Variants in SPAG6 observed in about 807,000 individuals in gnomAD.
SPAG6 encodes sperm associated antigen 6, also known as sperm-associated antigen 6.
A neutral mutation model predicts 58.5 loss-of-function variants in SPAG6; 49 were observed. The observed-to-expected ratio is 0.84, with a 90% CI of 0.67 to 1.06. The LOEUF is 1.06. Ranked by LOEUF, SPAG6 falls within the 50% of genes least tolerant of loss-of-function variation. SPAG6 has a pLI of 0.00. For synonymous variants in SPAG6, 233 were observed against 225.6 expected (o/e 1.03, Z -0.29); for missense variants, 560 against 611.3 (o/e 0.92, Z 0.89).
chr10:22,370,835 A>G (rs987655854), intron 4 of SPAG6, among the ~76,000 whole-genome samples: 2 of 152,230 alleles, frequency 1.3e-5, no homozygotes, highest in African/African-American at 4.8e-5. Context: ...ATCATGGGAA[A>G]CTACATGAGT....
intron 4 of SPAG6, among the ~76,000 whole-genome samples, chr10:22,380,871 G>GT (rs1441886180): frequency 6.6e-6 from 1 of 151,894 alleles, no homozygotes. Flanking sequence ...TTCCAGAGGA[G>GT]TTTTTTTTAA....
intron 9 of SPAG6, among the ~76,000 whole-genome samples, chr10:22,410,642 TA>T (rs1157658693): frequency 2.0e-5 from 3 of 152,116 alleles, no homozygotes; most frequent in Non-Finnish European, 2.9e-5. Context: ...ACTGAAACAA[TA>T]TTTAGGATGG....
Position 22,345,549 on chromosome 10 carries a change from GGACT to G in SPAG6, c.-62_-59del. On this transcript the variant is annotated 5_prime_UTR_variant, in exon 1 of 11. Coordinates refer to ENST00000376624, the MANE Select transcript of SPAG6 (RefSeq NM_012443.4). This position sits in a 1 kb window ranked among gnomAD's most constrained non-coding sequence, Gnocchi z 6.3. ...TCGTCGCCACGATCGCCCCCTTGGT[GGACT>G]CGCAGGCCGAGCGGCTTCCCCGCAG... 7.1e-7 allele frequency: 1 copy of G among 1,408,934 alleles called. No homozygotes were observed. The highest frequency in any genetic ancestry group is 9.6e-7 in the Non-Finnish European group (1 of 1,041,456). The allele number at this position is 1,408,934 out of a possible 1,614,324, so 87.3% of individuals were successfully genotyped here. A position where few individuals can be genotyped will look rare whatever the true frequency, so the allele number is the denominator to read the frequency against.
At chr10:22,371,569 TTG>T (rs1833695830) in intron 4 of SPAG6, among the ~76,000 whole-genome samples, 1 of 152,172 alleles carries the variant, frequency 6.6e-6, no homozygotes, top group South Asian at 2.1e-4. Flanking sequence ...TTTGTTTTGT[TTG>T]TTTTTTGAAA....
At chr10:22,411,407 A>C (rs549813121) in intron 10 of SPAG6, 1 of 395,148 alleles carries the variant, frequency 2.5e-6, no homozygotes, top group South Asian at 5.2e-5. Flanking sequence ...TTTTGTACTA[A>C]TTTAACATGT....
At position 22,345,990 on chromosome 10, in the gene SPAG6, T is replaced by C; in HGVS notation, c.121+172T>C. ...GGGGGTCAGGCCGAGAGGGTGAAGC[T>C]TCCAGATGGTTGTGGGAGGTGCGCG... is the stretch of plus-strand genomic sequence containing the variant. On this transcript the variant is annotated intron_variant, in intron 2 of 10. Coordinates refer to ENST00000376624, the MANE Select transcript of SPAG6 (RefSeq NM_012443.4). The surrounding 1 kb of genome is among the most constrained non-coding windows in gnomAD (Gnocchi z 6.3). 1 of 1,548,546 alleles carries C rather than the reference T, an allele frequency of 6.5e-7. No homozygotes were observed. Among genetic ancestry groups the C allele is most frequent in the South Asian group, 1.2e-5 (1 of 83,220 alleles).
At chr10:22,346,496 CTTT>C (rs760493565) in intron 2 of SPAG6, among the ~76,000 whole-genome samples, 7 of 75,738 alleles carry the variant, frequency 9.2e-5, no homozygotes, top group South Asian at 4.4e-4. Flanking sequence ...TCTTCTTCTT[CTTT>C]CTTCTTCTTC....
chr10:22,351,021 C>T (rs1015257303), intron 2 of SPAG6, among the ~76,000 whole-genome samples: 1 of 152,116 alleles, frequency 6.6e-6, no homozygotes, highest in African/African-American at 2.4e-5. Context: ...TTAACTTGTA[C>T]GTATTAGTAA....
chr10:22,370,933 T>C (rs1833669882), intron 4 of SPAG6, among the ~76,000 whole-genome samples: 1 of 152,192 alleles, frequency 6.6e-6, no homozygotes, highest in South Asian at 2.1e-4. Flanking sequence ...GACAACTGTA[T>C]AGATACTCTC....
At chr10:22,378,797 C>G (rs2132069441) in intron 4 of SPAG6, among the ~76,000 whole-genome samples, 1 of 152,166 alleles carries the variant, frequency 6.6e-6, no homozygotes, top group South Asian at 2.1e-4. Flanking sequence ...CACTTCTTGA[C>G]TTTTTCTTAC....
intron 4 of SPAG6, among the ~76,000 whole-genome samples, chr10:22,376,784 C>A (rs566658168): frequency 6.6e-6 from 1 of 152,072 alleles, no homozygotes; most frequent in South Asian, 2.1e-4. Flanking sequence ...TTCCTGAGAA[C>A]AAGTTATAAA....
intron 4 of SPAG6, among the ~76,000 whole-genome samples, chr10:22,380,447 G>A (rs925912506): frequency 2.0e-5 from 3 of 152,088 alleles, no homozygotes; most frequent in African/African-American, 7.2e-5. Context: ...ACAGGTGCTT[G>A]CCACCATGCC....
At chr10:22,369,865 A>G (rs1326654706) in intron 4 of SPAG6, among the ~76,000 whole-genome samples, 1 of 152,216 alleles carries the variant, frequency 6.6e-6, no homozygotes, top group African/African-American at 2.4e-5. Context: ...ACTGGTGGAG[A>G]GCAGTTTGAC....
In SPAG6 at chr10:22,397,677, T is replaced by C. The variant is rs1382903475; in HGVS notation, c.1198-3484T>C. On this transcript the variant is annotated intron_variant, in intron 8 of 10. Transcript: ENST00000376624. ...TTCAAATATGAAGTTAAGAAAATAA[T>C]GTTATTCATAATAACATCAAGCATT... 2.0e-5 allele frequency among the ~76,000 whole-genome samples: 3 copies of C among 152,172 alleles called. 1 individual carries two copies. The highest frequency in any genetic ancestry group is 7.2e-5 in the African/African-American group (3 of 41,448).
intron 2 of SPAG6, among the ~76,000 whole-genome samples, chr10:22,346,543 TTTC>T (rs1278004041): frequency 3.6e-4 from 55 of 151,306 alleles, no homozygotes; most frequent in African/African-American, 8.0e-4. Context: ...TTCTTTCTTC[TTTC>T]TTCTTCTTTT....
At chr10:22,381,287 G>A (rs1833950072) in intron 4 of SPAG6, among the ~76,000 whole-genome samples, 1 of 151,698 alleles carries the variant, frequency 6.6e-6, no homozygotes, top group African/African-American at 2.4e-5. Flanking sequence ...CCACAGAGGG[G>A]TGTGTTTTAT....
intron 9 of SPAG6, among the ~76,000 whole-genome samples, chr10:22,410,644 TTTA>T (rs1360814412): frequency 2.0e-5 from 3 of 152,132 alleles, no homozygotes; most frequent in Non-Finnish European, 2.9e-5. Context: ...TGAAACAATA[TTTA>T]GGATGGAGAT....
intron 8 of SPAG6, among the ~76,000 whole-genome samples, chr10:22,392,183 T>C (rs1834197932): frequency 6.6e-6 from 1 of 152,170 alleles, no homozygotes; most frequent in Admixed American, 6.6e-5. Flanking sequence ...ACTCTTCTTA[T>C]GTAGTGGGAA....
intron 2 of SPAG6, among the ~76,000 whole-genome samples, chr10:22,356,336 G>A (rs1453246464): frequency 2.0e-5 from 3 of 152,158 alleles, no homozygotes; most frequent in South Asian, 2.1e-4. Flanking sequence ...CTATGTGAAC[G>A]GCATTCCTTC....
Sources: gnomAD v4.1 joint callset for allele counts (sites outside exome capture counted in the v4.1 genomes callset) on GRCh38, gnomAD v4.1.1 for gene constraint, Gnocchi (gnomAD v3.1) non-coding constraint, MANE v1.5 for transcripts, NCBI Gene and HGNC (gene_info 2026-07-23, HGNC 2026-07-21) for gene names.